Variants in DNASE1 observed in about 807,000 individuals in gnomAD.
The protein encoded by DNASE1 is deoxyribonuclease 1, also known as deoxyribonuclease-1.
In DNASE1, 40 loss-of-function variants were observed where a neutral mutation model predicts 33.9. The observed-to-expected ratio is 1.18, with a 90% confidence interval of 0.92 to 1.54. DNASE1 has a LOEUF of 1.54. Ranked by LOEUF, DNASE1 falls within the 40% of genes most tolerant of loss-of-function variation. DNASE1 has a pLI of 0.00. For synonymous variants in DNASE1, 216 were observed against 160.0 expected, an observed-to-expected ratio of 1.35 and a Z score of -2.64; for missense variants, 518 against 372.6, an observed-to-expected ratio of 1.39 and a Z score of -3.21.
At chr16:3,612,009 G>C (rs1350289108) in intron 1 of DNASE1, 13 of 152,382 alleles carry the variant, frequency 8.5e-5, no homozygotes. Context: ...CCTCTCAGGT[G>C]GGGTGGCGTG....
chr16:3,652,669 G>A (rs552179653), upstream of DNASE1: 4 of 152,470 alleles, frequency 2.6e-5, no homozygotes, highest in East Asian at 3.9e-4. Context: ...GGCGTCTGTT[G>A]GCGTGTCTTT....
intron 1 of DNASE1, among the ~76,000 whole-genome samples, chr16:3,646,214 T>TG (rs960520009): frequency 8.1e-4 from 123 of 151,624 alleles, no homozygotes; most frequent in South Asian, 5.9e-3. Flanking sequence ...GGTTTTTCTC[T>TG]GGGGGGGGTC....
upstream of DNASE1, among the ~76,000 whole-genome samples, chr16:3,641,606 A>G (rs955866275): frequency 2.0e-5 from 3 of 152,228 alleles, no homozygotes; most frequent in Non-Finnish European, 4.4e-5. Context: ...CATGTAGTTC[A>G]GCCCCACAGG....
intron 1 of DNASE1, among the ~76,000 whole-genome samples, chr16:3,627,921 G>A (rs1457053383): frequency 1.0e-5 from 1 of 100,192 alleles, no homozygotes; most frequent in East Asian, 3.5e-4. Context: ...ATTTCAGCAT[G>A]TATTTTCTAT....
In DNASE1 at chr16:3,657,292, C is replaced by T. The variant is rs34186031; in HGVS notation, c.655C>T (p.Pro219Ser). ...AAGCCCCACCTTCCAGTGGCTGATCCCCGACAGCGCTGACACCACAGCTAC... is the reference window on the plus strand; with the variant it reads ...AAGCCCCACCTTCCAGTGGCTGATCTCCGACAGCGCTGACACCACAGCTAC... ...WTSPTFQWLI[P>S]DSADTTATPT... Residue 219 changes from proline (P) to serine (S), a missense_variant, in exon 7 of 9, where the codon CCC becomes TCC. Physicochemically the swap from Pro to Ser is moderately conservative, Grantham distance 74. Coordinates refer to ENST00000246949, the MANE Select transcript of DNASE1 (RefSeq NM_005223.4). 162 of 1,613,916 alleles carry T rather than the reference C, an allele frequency of 1.0e-4. No individual in the cohort carries two copies. The African/African-American group carries it at 1.9e-3, about 19-fold the overall frequency.
rs536124339 is a variant in DNASE1 at position 3,655,597 on chromosome 16, G to A, written c.147+77G>A. 497 of 1,603,560 alleles carry A rather than the reference G, an allele frequency of 3.1e-4. 7 individuals are homozygous for A. In the South Asian group the frequency reaches 5.0e-3, roughly 16 times the overall value. Reference sequence around the variant, plus strand: ...GCTGGTGGGCAGGGCCAGCCCTATGGAGCCACAGGGTGTCGGGTGTGGGGT... The same window carrying A: ...GCTGGTGGGCAGGGCCAGCCCTATGAAGCCACAGGGTGTCGGGTGTGGGGT... On this transcript the variant is annotated intron_variant, in intron 2 of 8. Coordinates refer to ENST00000246949, the MANE Select transcript of DNASE1 (RefSeq NM_005223.4).
At position 3,664,119 on chromosome 16, in the gene DNASE1, C is replaced by T. The variant is rs763883188; in HGVS notation, c.*6166C>T. On this transcript the variant is annotated 3_prime_UTR_variant, in exon 10 of 10. Coordinates refer to the DNASE1 transcript ENST00000407479. The stretch of plus-strand genomic sequence containing the variant: ...ATGTGACCTCCAAGTGGGAAACAGC[C>T]GTCACAGTCGGTCCGGCCTCTGTGC... The T allele has an allele frequency of 1.9e-5, 14 of 754,860 alleles. No individual in the cohort carries two copies. The Middle Eastern group carries it at 1.2e-3, about 64-fold the overall frequency. The allele number at this position is 754,860 out of a possible 1,614,324, so 46.8% of individuals were successfully genotyped here. A position where few individuals can be genotyped will look rare whatever the true frequency, so the allele number is the denominator to read the frequency against.
chr16:3,622,559 G>A (rs765403036), intron 1 of DNASE1, among the ~76,000 whole-genome samples: 5 of 152,116 alleles, frequency 3.3e-5, no homozygotes, highest in Non-Finnish European at 7.3e-5. Flanking sequence ...TTGTGGAAAT[G>A]GATATAGTGT....
chr16:3,655,442 G>A lies in DNASE1; in HGVS notation c.69G>A (p.Leu23=), dbSNP rs774887851. The part of the protein sequence containing the change: ...LAALLQGAVS[L]KIAAFNIQTF... ...CCCTACTGCAGGGGGCCGTGTCCCT[G>A]AAGATCGCAGCCTTCAACATCCAGA... is the stretch of plus-strand genomic sequence containing the variant. The change falls in exon 2 of 9, where the codon CTG becomes CTA. Residue 23 remains leucine, a synonymous_variant. Coordinates refer to ENST00000246949, the MANE Select transcript of DNASE1 (RefSeq NM_005223.4). 1 of 1,614,128 alleles carries A rather than the reference G, an allele frequency of 6.2e-7. No individual in the cohort carries two copies. Among genetic ancestry groups the A allele is most frequent in the African/African-American group, 1.3e-5 (1 of 75,070 alleles).
downstream of DNASE1, chr16:3,659,754 T>TAGACAGATAGAC (rs56388830): frequency 1.7e-5 from 1 of 59,162 alleles, no homozygotes; most frequent in Non-Finnish European, 2.9e-5. Context: ...TTTTTTTAGA[T>TAGACAGATAGAC]AGATAGATAG....
At chr16:3,628,998 C>T (rs1407063707) in intron 1 of DNASE1, among the ~76,000 whole-genome samples, 1 of 149,330 alleles carries the variant, frequency 6.7e-6, no homozygotes, top group African/African-American at 2.4e-5. Flanking sequence ...ATAGTGAAAC[C>T]CTGTCTCTAC....
At chr16:3,619,353 CTTTCT>C (rs1390562970) in intron 1 of DNASE1, among the ~76,000 whole-genome samples, 1 of 140,104 alleles carries the variant, frequency 7.1e-6, no homozygotes, top group Admixed American at 7.3e-5. Flanking sequence ...AATTTTCTTT[CTTTCT>C]TTTATTTTTT....
Position 3,657,012 on chromosome 16 carries a change from T to C in DNASE1, c.450T>C (p.Phe150=), listed in dbSNP as rs2042701520. The change falls in exon 6 of 9, where the codon TTT becomes TTC. Residue 150 remains phenylalanine, a synonymous_variant. Coordinates refer to ENST00000246949, the MANE Select transcript of DNASE1 (RefSeq NM_005223.4). The stretch of plus-strand genomic sequence containing the variant: ...CTGTCTCCACAGAGGTCAGGGAGTT[T>C]GCCATTGTTCCCCTGCATGCGGCCC... The part of the protein sequence containing the change: ...FFSRFTEVRE[F]AIVPLHAAPG... The C allele has an allele frequency of 3.1e-6, 5 of 1,613,624 alleles. No individual in the cohort carries two copies. The Admixed American group carries it at 5.0e-5, about 16-fold the overall frequency.
At chr16:3,636,600 T>A (rs1424486548) in intron 1 of DNASE1, among the ~76,000 whole-genome samples, 1 of 151,816 alleles carries the variant, frequency 6.6e-6, no homozygotes, top group Non-Finnish European at 1.5e-5. Flanking sequence ...GCGGGGAGGA[T>A]CGCTTGAGCC....
chr16:3,657,331 G>C lies in DNASE1; in HGVS notation c.694G>C (p.Ala232Pro). ...ADTTATPTHC[A>P]YDRIVVAGML... ...CACCACAGCTACACCCACGCACTGT[G>C]CCTATGACAGGTGAGCAGGGCCTCG... Residue 232 changes from alanine (A) to proline (P), a missense_variant, in exon 7 of 9, where the codon GCC (alanine) becomes CCC (proline). By Grantham distance (27) the Ala-to-Pro change is conservative. Transcript: ENST00000246949. The C allele has an allele frequency of 6.2e-7, 1 of 1,613,262 alleles. No individual in the cohort carries two copies. Among genetic ancestry groups the C allele is most frequent in the Non-Finnish European group, 8.5e-7 (1 of 1,179,990 alleles).
chr16:3,640,064 C>T (rs1300298665), upstream of DNASE1, among the ~76,000 whole-genome samples: 1 of 152,208 alleles, frequency 6.6e-6, no homozygotes, highest in African/African-American at 2.4e-5. Context: ...TGACTTAGCT[C>T]TATTACTAAG....
At chr16:3,631,109 G>A (rs1311920172) in intron 1 of DNASE1, among the ~76,000 whole-genome samples, 2 of 150,868 alleles carry the variant, frequency 1.3e-5, no homozygotes, top group Non-Finnish European at 1.5e-5. Context: ...TGCAACCTCC[G>A]CCTCCTGAGT....
chr16:3,643,999 C>A (rs1421312172), intron 1 of DNASE1, among the ~76,000 whole-genome samples: 1 of 152,046 alleles, frequency 6.6e-6, no homozygotes. Flanking sequence ...CCTCGGCCTC[C>A]CAAAGTGCTG....
chr16:3,650,024 T>C (rs2151203177), upstream of DNASE1, among the ~76,000 whole-genome samples: 1 of 152,328 alleles, frequency 6.6e-6, no homozygotes, highest in East Asian at 1.9e-4. Flanking sequence ...GCCTGAGAAC[T>C]TGCTCCCGCT....
Sources: allele counts gnomAD v4.1 joint callset (sites outside exome capture counted in the v4.1 genomes callset), GRCh38; gene constraint gnomAD v4.1.1; transcripts MANE v1.5; gene names NCBI Gene and HGNC (gene_info 2026-07-23, HGNC 2026-07-21).